OLFML2B: variants seen among roughly 807,000 people sequenced by gnomAD.
OLFML2B encodes olfactomedin like 2B.
In OLFML2B, 57 loss-of-function variants were observed where a neutral mutation model predicts 74.9. The observed-to-expected ratio is 0.76, with a 90% CI of 0.61 to 0.95. OLFML2B has a LOEUF of 0.95. Among genes scored for constraint, OLFML2B ranks in the 40% least tolerant of loss-of-function variants. The probability of loss-of-function intolerance (pLI) is 0.00; values close to 1 mark genes in which losing one functional copy is unlikely to be tolerated. For synonymous variants in OLFML2B, 388 were observed against 405.8 expected, an observed-to-expected ratio of 0.96 and a Z score of 0.53; for missense variants, 986 against 970.6, an observed-to-expected ratio of 1.02 and a Z score of -0.21.
intron 6 of OLFML2B, among the ~76,000 whole-genome samples, chr1:161,994,833 C>T (rs1206773311): frequency 1.3e-5 from 2 of 152,066 alleles, no homozygotes; most frequent in Non-Finnish European, 2.9e-5. Context: ...TAATGGTAGA[C>T]ATTTTAGGGC....
intron 4 of OLFML2B, among the ~76,000 whole-genome samples, chr1:162,001,645 G>A (rs1430323044): frequency 6.6e-6 from 1 of 152,184 alleles, no homozygotes; most frequent in East Asian, 1.9e-4. Context: ...CTGAACACAA[G>A]TCCTAATGAA....
rs1342115022 is a variant in OLFML2B, at chr1:162,000,203, C to T, written c.859G>A (p.Gly287Ser). ...RPLQRQVHLRGRPASQPTVIR... is the reference protein window; with the variant it reads ...RPLQRQVHLRSRPASQPTVIR... ...ACAGTGGGCTGGGAGGCCGGCCGGC[C>T]TCTCAGGTGGACCTGCCTCTGCAGG... The change falls in exon 5 of 8, where the codon GGC (glycine) becomes AGC (serine). Residue 287 changes from glycine to serine, a missense_variant. Gly to Ser is a moderately conservative substitution (Grantham distance 56, BLOSUM62 0). Coordinates refer to ENST00000294794, the MANE Select transcript of OLFML2B (RefSeq NM_015441.3). 2 of 1,613,770 alleles carry T rather than the reference C, an allele frequency of 1.2e-6. No homozygotes were observed. Among genetic ancestry groups the T allele is most frequent in the African/African-American group, 2.7e-5 (2 of 74,916 alleles).
In OLFML2B at chr1:161,998,357, A is replaced by G. The variant is rs1205150568; in HGVS notation, c.950-8T>C. On this transcript the variant is annotated splice_polypyrimidine_tract_variant and splice_region_variant and intron_variant, in intron 5 of 7. Transcript: ENST00000294794. The stretch of plus-strand genomic sequence containing the variant: ...CGCTGAAAAACTCATCTTCTGTGAA[A>G]CAAACACAAGGTTCACTGTGGCACG... 1.3e-6 allele frequency: 2 copies of G among 1,543,208 alleles called. No homozygotes were observed. The highest frequency in any genetic ancestry group is 2.7e-5 in the African/African-American group (2 of 73,090).
chr1:162,014,447 T>C (rs76722595), intron 3 of OLFML2B, among the ~76,000 whole-genome samples: 1,982 of 152,330 alleles, frequency 0.013, 30 homozygotes, highest in Middle Eastern at 0.068. Context: ...TGCTTGCTTA[T>C]ACTGCCAACC....
At position 162,020,158 on chromosome 1, in the gene OLFML2B, T is replaced by G; in HGVS notation, c.199A>C (p.Lys67Gln). 1 of 1,614,196 alleles carries G rather than the reference T, an allele frequency of 6.2e-7. No individual in the cohort carries two copies. The highest frequency in any genetic ancestry group is 8.5e-7 in the Non-Finnish European group (1 of 1,180,024). Residue 67 changes from lysine to glutamine, a missense_variant, in exon 2 of 8, where the codon AAG becomes CAG. Coordinates refer to ENST00000294794, the MANE Select transcript of OLFML2B (RefSeq NM_015441.3). ...CAGTCCGAGCCCTCAGACATAGCCT[T>G]GACCTTGTCATAGTCCCCCAGCAAC... The part of the protein sequence containing the change: ...SQLLGDYDKV[K>Q]AMSEGSDCQC...
intron 1 of OLFML2B, among the ~76,000 whole-genome samples, chr1:162,021,295 C>T (rs1690697574): frequency 6.6e-6 from 1 of 152,268 alleles, no homozygotes; most frequent in Non-Finnish European, 1.5e-5. Flanking sequence ...ACTGGCAGCA[C>T]TTGCTGCTTT....
At chr1:162,000,032 C>T in intron 5 of OLFML2B, 81 bp downstream of exon 5, 1 of 1,102,322 alleles carries the variant, frequency 9.1e-7, no homozygotes, top group Non-Finnish European at 1.3e-6. Context: ...GTATGGCTCC[C>T]AGGAATCCAG....
chr1:162,023,443 A>G lies in OLFML2B; in HGVS notation c.-13T>C. The G allele has an allele frequency of 2.6e-6, 4 of 1,534,350 alleles. No homozygotes were observed. Among genetic ancestry groups the G allele is most frequent in the Non-Finnish European group, 3.5e-6 (4 of 1,134,320 alleles). ...GAGGCTTGGCCATGAGGGGCGCGAT[A>G]AGAGTGTCCTCAGCCCCTTCAGAGA... On this transcript the variant is annotated 5_prime_UTR_variant, in exon 1 of 8. Coordinates refer to ENST00000294794, the MANE Select transcript of OLFML2B (RefSeq NM_015441.3).
At position 162,023,793 on chromosome 1, in the gene OLFML2B, G is replaced by T; in HGVS notation, c.-363C>A. On this transcript the variant is annotated 5_prime_UTR_variant, in exon 1 of 8. Transcript: ENST00000294794. ...CGCGGTGCGCGCCGGGACGGGCGGC[G>T]GGGAGCCTCGGGACGCACGGGGACC... 1 of 165,274 alleles carries T rather than the reference G, an allele frequency of 6.1e-6. No individual in the cohort carries two copies. Among genetic ancestry groups the T allele is most frequent in the Non-Finnish European group, 1.3e-5 (1 of 76,976 alleles). 10.2% of individuals were successfully genotyped at this position (165,274 alleles called of 1,614,324 possible). A position where few individuals can be genotyped will look rare whatever the true frequency, so the allele number is the denominator to read the frequency against.
intron 2 of OLFML2B, among the ~76,000 whole-genome samples, chr1:162,019,256 A>G (rs1266581625): frequency 3.3e-5 from 5 of 152,188 alleles, no homozygotes. Flanking sequence ...TTATTACCAC[A>G]TGTTATTCAA....
At chr1:161,985,415 C>T (rs7523243) in intron 6 of OLFML2B, among the ~76,000 whole-genome samples, 31,500 of 152,128 alleles carry the variant, frequency 0.21, 3,440 homozygotes, top group African/African-American at 0.23. Context: ...CCTCCCTCCA[C>T]GCCTGCCCCC....
At chr1:161,993,259 C>T (rs1488054674) in intron 6 of OLFML2B, among the ~76,000 whole-genome samples, 1 of 152,196 alleles carries the variant, frequency 6.6e-6, no homozygotes, top group Non-Finnish European at 1.5e-5. Context: ...TACCTTCCTT[C>T]TTTGCCTAGC....
In OLFML2B at chr1:162,005,902, C is replaced by CTAAAA. The variant is rs368990706; in HGVS notation, c.723+394_723+395insTTTTA. Among the ~76,000 whole-genome samples the CTAAAA allele has an allele frequency of 7.5e-3, 583 of 77,858 alleles. 60 individuals carry two copies. The highest frequency in any genetic ancestry group is 0.019 in the African/African-American group (549 of 29,164). The allele number at this position is 77,858 out of a possible 152,430, so 51.1% of individuals were successfully genotyped here. A position where few individuals can be genotyped will look rare whatever the true frequency, so the allele number is the denominator to read the frequency against. ...CCTTGGTGGCAGAGCTGGAACCTAT[C>CTAAAA]AAAAAAAAAAAAAAAAAAAAAAAAA... On this transcript the variant is annotated intron_variant, in intron 4 of 7. Coordinates refer to ENST00000294794, the MANE Select transcript of OLFML2B (RefSeq NM_015441.3).
rs1690804801 is a variant in OLFML2B, at chr1:162,023,632, C to G, written c.-202G>C. ...CATCTCCTTCCCGACGCGAGCAGCCCTCGACTGTGCAGCCCCAGTGGAGAG... is the reference window on the plus strand; with the variant it reads ...CATCTCCTTCCCGACGCGAGCAGCCGTCGACTGTGCAGCCCCAGTGGAGAG... On this transcript the variant is annotated 5_prime_UTR_variant, in exon 1 of 8. Transcript: ENST00000294794. 2.3e-6 allele frequency: 1 copy of G among 432,376 alleles called. No homozygotes were observed. Among genetic ancestry groups the G allele is most frequent in the Non-Finnish European group, 4.0e-6 (1 of 247,922 alleles). 26.8% of individuals were successfully genotyped at this position (432,376 alleles called of 1,614,324 possible).
chr1:162,020,363 G>A (rs190465799), intron 1 of OLFML2B, among the ~76,000 whole-genome samples, 181 bp from the exon 2 acceptor site: 42 of 152,296 alleles, frequency 2.8e-4, no homozygotes, highest in African/African-American at 8.9e-4. Context: ...TTCCTTGAAG[G>A]CATTCAGAGT....
At chr1:161,994,734 G>A (rs763311626) in intron 6 of OLFML2B, among the ~76,000 whole-genome samples, 15 of 152,022 alleles carry the variant, frequency 9.9e-5, no homozygotes, top group Non-Finnish European at 1.3e-4. Flanking sequence ...GCTACACTAC[G>A]GCCAAATGTT....
chr1:161,987,952 C>T (rs527425981), intron 6 of OLFML2B, among the ~76,000 whole-genome samples: 20 of 152,300 alleles, frequency 1.3e-4, no homozygotes, highest in East Asian at 3.9e-4. Flanking sequence ...GAGACCCAGA[C>T]GCATCACTGT....
intron 4 of OLFML2B, among the ~76,000 whole-genome samples, chr1:162,003,274 A>AG (rs1288880773): frequency 1.3e-5 from 2 of 152,218 alleles, no homozygotes; most frequent in African/African-American, 4.8e-5. Context: ...GCTGCTCGGC[A>AG]GGCTGTCAGG....
intron 1 of OLFML2B, among the ~76,000 whole-genome samples, chr1:162,020,549 C>G (rs578072178): frequency 6.7e-6 from 1 of 149,944 alleles, no homozygotes; most frequent in Admixed American, 6.6e-5. Context: ...TTTTTTGAGA[C>G]AGAGTCTCAC....
Sources: allele counts gnomAD v4.1 joint callset (sites outside exome capture counted in the v4.1 genomes callset), GRCh38; gene constraint gnomAD v4.1.1; transcripts MANE v1.5; gene names NCBI Gene and HGNC (gene_info 2026-07-23, HGNC 2026-07-21).